ZNF385D: variants seen among roughly 807,000 people sequenced by gnomAD.
ZNF385D encodes the protein zinc finger protein 659.
A neutral mutation model predicts 35.8 loss-of-function variants in ZNF385D; 15 were observed. That is an observed-to-expected ratio of 0.42 (90% CI 0.28 to 0.64). ZNF385D has a LOEUF of 0.64. Among genes scored for constraint, ZNF385D ranks in the 30% least tolerant of loss-of-function variants. The pLI is 0.23. For missense variants in ZNF385D, 474 were observed against 494.6 expected, an observed-to-expected ratio of 0.96 and a Z score of 0.39; for synonymous variants, 212 against 186.8, an observed-to-expected ratio of 1.13 and a Z score of -1.10.
intron 2 of ZNF385D, among the ~76,000 whole-genome samples, chr3:22,305,679 G>A (rs956722326): frequency 6.6e-6 from 1 of 152,218 alleles, no homozygotes; most frequent in East Asian, 1.9e-4. Context: ...TCCTTCATTG[G>A]CCTAAGCAAG....
intron 3 of ZNF385D, among the ~76,000 whole-genome samples, chr3:21,916,271 T>C (rs11129029): frequency 0.54 from 81,330 of 151,986 alleles, 23,820 homozygotes; most frequent in South Asian, 0.66. Flanking sequence ...ATTTTGTCAA[T>C]TTAAATAACA....
At chr3:21,561,780 C>T (rs2062956389) in intron 3 of ZNF385D, 1 of 151,930 alleles carries the variant, frequency 6.6e-6, no homozygotes, top group Non-Finnish European at 1.5e-5. Flanking sequence ...TTCACAGTGC[C>T]CCAAAACAAT....
intron 3 of ZNF385D, among the ~76,000 whole-genome samples, chr3:21,884,919 G>A (rs1304641285): frequency 6.8e-6 from 1 of 146,164 alleles, no homozygotes; most frequent in Non-Finnish European, 1.5e-5. Flanking sequence ...ACTTTTTTTT[G>A]TAAATAAAGT....
chr3:22,034,644 C>G (rs1473344931), intron 3 of ZNF385D, among the ~76,000 whole-genome samples: 1 of 151,986 alleles, frequency 6.6e-6, no homozygotes, highest in Admixed American at 6.6e-5. Context: ...ATCAGATAAC[C>G]TCATAATTGG....
chr3:22,263,452 T>C (rs1012383797), intron 2 of ZNF385D, among the ~76,000 whole-genome samples: 4 of 152,090 alleles, frequency 2.6e-5, no homozygotes, highest in Admixed American at 2.0e-4. Flanking sequence ...TCTTTGACTA[T>C]TCCACCTGAA....
chr3:21,847,569 G>A (rs1696090843), intron 3 of ZNF385D, among the ~76,000 whole-genome samples: 1 of 151,882 alleles, frequency 6.6e-6, no homozygotes, highest in Non-Finnish European at 1.5e-5. Context: ...TTACATCATG[G>A]GTGTAGTTGA....
At chr3:21,885,703 G>T (rs1294850103) in intron 3 of ZNF385D, among the ~76,000 whole-genome samples, 1 of 150,022 alleles carries the variant, frequency 6.7e-6, no homozygotes, top group Admixed American at 6.7e-5. Context: ...TATTATATTA[G>T]GGTTTTCCAT....
intron 2 of ZNF385D, among the ~76,000 whole-genome samples, chr3:22,224,553 A>T (rs1576523339): frequency 6.6e-6 from 1 of 152,334 alleles, no homozygotes; most frequent in Non-Finnish European, 1.5e-5. Flanking sequence ...CTGGCAAAGG[A>T]TAATGAAATG....
rs556973972 is a variant in ZNF385D at position 22,078,217 on chromosome 3, T to A, written c.325+90600A>T. On this transcript the variant is annotated intron_variant, in intron 3 of 5. Coordinates refer to the ZNF385D transcript ENST00000494108. ...ACCTTTTTAAAAAATAATCACAGCA[T>A]AGACCCTTTTCAAAAGATATAAATG... 2.0e-5 allele frequency among the ~76,000 whole-genome samples: 3 copies of A among 152,128 alleles called. No homozygotes were observed. The South Asian group carries it at 6.2e-4, about 32-fold the overall frequency.
At chr3:22,011,350 C>T (rs1817989) in intron 3 of ZNF385D, among the ~76,000 whole-genome samples, 44,432 of 151,810 alleles carry the variant, frequency 0.29, 6,838 homozygotes, top group South Asian at 0.43. Context: ...AGCTTTATCT[C>T]TGCTTCAAAA....
At chr3:22,062,395 G>A (rs1171726657) in intron 3 of ZNF385D, among the ~76,000 whole-genome samples, 1 of 152,106 alleles carries the variant, frequency 6.6e-6, no homozygotes, top group Non-Finnish European at 1.5e-5. Context: ...CTAAGTGGAA[G>A]AATTAACATT....
intron 2 of ZNF385D, among the ~76,000 whole-genome samples, chr3:22,331,037 T>C (rs1447594181): frequency 1.3e-5 from 2 of 152,332 alleles, no homozygotes; most frequent in African/African-American, 4.8e-5. Flanking sequence ...TATATGCACA[T>C]TTATGTATTT....
chr3:21,975,728 TATATATATATATATATATATATATATAC>T (rs1178070686), intron 3 of ZNF385D, among the ~76,000 whole-genome samples: 251 of 14,296 alleles, frequency 0.018, 2 homozygotes, highest in African/African-American at 0.11. Context: ...TATATATATA[TATATATATATATATATATATATATATAC>T]ACACACTATG....
At chr3:22,104,733 G>A (rs1382217122) in intron 3 of ZNF385D, among the ~76,000 whole-genome samples, 2 of 152,180 alleles carry the variant, frequency 1.3e-5, no homozygotes, top group East Asian at 1.9e-4. Context: ...AGCAAATAAA[G>A]AATTGTTATG....
chr3:21,915,761 T>G (rs1420994265), intron 3 of ZNF385D, among the ~76,000 whole-genome samples: 1 of 152,162 alleles, frequency 6.6e-6, no homozygotes, highest in Non-Finnish European at 1.5e-5. Context: ...AGGACTTATT[T>G]AGAAATTAGT....
At chr3:21,971,910 C>T (rs368947044) in intron 3 of ZNF385D, among the ~76,000 whole-genome samples, 11 of 151,920 alleles carry the variant, frequency 7.2e-5, no homozygotes, top group Middle Eastern at 3.4e-3. Flanking sequence ...GGAGATATAA[C>T]AACTGTAAAT....
rs1291030547 is a variant in ZNF385D at position 21,692,848 on chromosome 3, TTGTC to T, written c.23-27824_23-27821del. On this transcript the variant is annotated intron_variant, in intron 1 of 7. Coordinates refer to ENST00000281523, the MANE Select transcript of ZNF385D (RefSeq NM_024697.3). Reference sequence around the variant, plus strand: ...TGTCTCAGGCAGAATAACCATGTCTTTGTCTGAGCTACCGATATGGATGCTACTG... The same window carrying T: ...TGTCTCAGGCAGAATAACCATGTCTTTGAGCTACCGATATGGATGCTACTG... Among the ~76,000 whole-genome samples, 16 of 152,334 alleles carry T rather than the reference TTGTC, an allele frequency of 1.1e-4. 1 individual carries two copies. The highest frequency in any genetic ancestry group is 4.6e-4 in the Admixed American group (7 of 15,304).
intron 3 of ZNF385D, among the ~76,000 whole-genome samples, chr3:21,556,065 TTTG>T (rs2062727025): frequency 7.7e-6 from 1 of 129,714 alleles, no homozygotes; most frequent in Admixed American, 7.7e-5. Context: ...TTTTTTTGTT[TTTG>T]TTTTTTTTTT....
At chr3:22,226,118 GAACTA>G (rs1293320779) in intron 2 of ZNF385D, among the ~76,000 whole-genome samples, 8 of 149,674 alleles carry the variant, frequency 5.3e-5, no homozygotes, top group Admixed American at 5.3e-4. Flanking sequence ...AAAGTAAATG[GAACTA>G]AACAAAAAAA....
Sources: gnomAD v4.1 joint callset for allele counts (sites outside exome capture counted in the v4.1 genomes callset) on GRCh38, gnomAD v4.1.1 for gene constraint, MANE v1.5 for transcripts, NCBI Gene and HGNC (gene_info 2026-07-23, HGNC 2026-07-21) for gene names.